Variants in SPATA16 observed in about 807,000 individuals in gnomAD.
The protein encoded by SPATA16 is spermatogenesis-associated protein 16.
SPATA16 carries 36 observed loss-of-function variants against 63.3 expected under a neutral mutation model. That is an observed-to-expected ratio of 0.57 (90% CI 0.44 to 0.75). The LOEUF is 0.75. Ranked by LOEUF, SPATA16 falls within the 30% of genes least tolerant of loss-of-function variation. SPATA16 has a pLI of 0.00. For synonymous variants in SPATA16, 203 were observed against 216.7 expected, an observed-to-expected ratio of 0.94 and a Z score of 0.56; for missense variants, 646 against 679.3, an observed-to-expected ratio of 0.95 and a Z score of 0.54.
chr3:172,979,314 G>C (rs1160187724), intron 4 of SPATA16, among the ~76,000 whole-genome samples: 2 of 152,032 alleles, frequency 1.3e-5, no homozygotes, highest in African/African-American at 4.8e-5. Flanking sequence ...ATTTCAATCT[G>C]CTATTTTCTC....
At chr3:172,958,463 C>T (rs1243849781) in intron 5 of SPATA16, among the ~76,000 whole-genome samples, 1 of 152,202 alleles carries the variant, frequency 6.6e-6, no homozygotes, top group Admixed American at 6.5e-5. Context: ...TCCAGACCAT[C>T]AAGCGCGTGG....
At chr3:173,107,090 G>T (rs908159643) in intron 2 of SPATA16, among the ~76,000 whole-genome samples, 1 of 152,014 alleles carries the variant, frequency 6.6e-6, no homozygotes, top group African/African-American at 2.4e-5. Context: ...ATTTCTAATT[G>T]TCTTACCATT....
At chr3:172,900,456 A>G (rs752978925) in intron 10 of SPATA16, among the ~76,000 whole-genome samples, 4 of 152,042 alleles carry the variant, frequency 2.6e-5, no homozygotes, top group Non-Finnish European at 5.9e-5. Flanking sequence ...TCTTTTGCCA[A>G]ATTTGGGAAG....
At position 173,015,576 on chromosome 3, in the gene SPATA16, A is replaced by G. The variant is rs554029667; in HGVS notation, c.848+3910T>C. 4.8e-4 allele frequency among the ~76,000 whole-genome samples: 73 copies of G among 152,288 alleles called. 1 individual carries two copies. Among genetic ancestry groups the G allele is most frequent in the Middle Eastern group, 6.8e-3 (2 of 294 alleles). On this transcript the variant is annotated intron_variant, in intron 4 of 10. Transcript: ENST00000351008. ...GCACAGTTCTCATATTTATCTTTCA[A>G]TCAGGGTTCTAAAAAGAATTTTATG... is the stretch of plus-strand genomic sequence containing the variant.
chr3:173,093,997 T>A (rs1205689841), intron 2 of SPATA16, among the ~76,000 whole-genome samples: 1 of 152,120 alleles, frequency 6.6e-6, no homozygotes. Flanking sequence ...CATTTTCCTC[T>A]TTCCTGTGCT....
At chr3:173,004,557 T>C (rs1269230464) in intron 4 of SPATA16, among the ~76,000 whole-genome samples, 1 of 152,140 alleles carries the variant, frequency 6.6e-6, no homozygotes, top group Admixed American at 6.5e-5. Flanking sequence ...TCCAAAAACA[T>C]AGACTTGGAA....
chr3:173,137,730 G>C (rs565710829), intron 1 of SPATA16, among the ~76,000 whole-genome samples: 18 of 151,588 alleles, frequency 1.2e-4, no homozygotes, highest in Admixed American at 2.0e-4. Context: ...CTTTAATTAA[G>C]CCTTGGCCCC....
At chr3:172,894,779 A>C (rs1731974857) in intron 10 of SPATA16, among the ~76,000 whole-genome samples, 1 of 152,194 alleles carries the variant, frequency 6.6e-6, no homozygotes, top group South Asian at 2.1e-4. Context: ...AAAGAGGCCC[A>C]AGGGAACTTG....
chr3:173,030,096 AT>A (rs1735567956), intron 3 of SPATA16, among the ~76,000 whole-genome samples: 15 of 149,022 alleles, frequency 1.0e-4, no homozygotes, highest in Non-Finnish European at 1.6e-4. Flanking sequence ...CTATCTATCT[AT>A]CTATCTACCC....
At chr3:172,960,760 C>T (rs901336101) in intron 5 of SPATA16, among the ~76,000 whole-genome samples, 2 of 152,174 alleles carry the variant, frequency 1.3e-5, no homozygotes, top group East Asian at 1.9e-4. Context: ...TCAAGAGGGC[C>T]GATTCTTCTT....
intron 10 of SPATA16, among the ~76,000 whole-genome samples, chr3:172,908,234 T>C (rs541672985): frequency 6.6e-6 from 1 of 152,336 alleles, no homozygotes; most frequent in South Asian, 2.1e-4. Flanking sequence ...TTTAGTCATA[T>C]AATAAAACTA....
intron 2 of SPATA16, among the ~76,000 whole-genome samples, chr3:173,070,070 C>A (rs1217856812): frequency 3.3e-5 from 5 of 152,000 alleles, no homozygotes; most frequent in African/African-American, 9.7e-5. Flanking sequence ...AAACTGAACA[C>A]CTTTCCTCTA....
At chr3:172,898,921 T>C (rs909426062) in intron 10 of SPATA16, among the ~76,000 whole-genome samples, 5 of 151,932 alleles carry the variant, frequency 3.3e-5, no homozygotes, top group Non-Finnish European at 5.9e-5. Flanking sequence ...TTTTTTTAGT[T>C]CAATATATTC....
chr3:172,909,409 T>C (rs1236732411), intron 10 of SPATA16, among the ~76,000 whole-genome samples: 1 of 152,188 alleles, frequency 6.6e-6, no homozygotes, highest in Non-Finnish European at 1.5e-5. Context: ...GCTTACCCTT[T>C]AAGAGGATTG....
chr3:172,943,532 G>A (rs959658356), intron 6 of SPATA16, among the ~76,000 whole-genome samples: 1 of 152,166 alleles, frequency 6.6e-6, no homozygotes, highest in Non-Finnish European at 1.5e-5. Flanking sequence ...TTGAGGTCAG[G>A]AGTTTGAGAC....
At chr3:172,896,603 A>G (rs985225029) in intron 10 of SPATA16, among the ~76,000 whole-genome samples, 14 of 152,278 alleles carry the variant, frequency 9.2e-5, no homozygotes, top group African/African-American at 3.4e-4. Context: ...CTGTGTCCTT[A>G]CCAGCATTTA....
At position 172,920,397 on chromosome 3, in the gene SPATA16, A is replaced by G. The variant is rs1334477955; in HGVS notation, c.1338+3811T>C. On this transcript the variant is annotated intron_variant, in intron 8 of 10. Transcript: ENST00000351008. ...AGGACTGCTCTGTACTTTAAAAAAG[A>G]TATGTTTGAGTAAAGAAAACTTCTT... 2.6e-5 allele frequency among the ~76,000 whole-genome samples: 4 copies of G among 152,340 alleles called. No homozygotes were observed. The East Asian group carries it at 7.7e-4, about 29-fold the overall frequency.
chr3:173,029,545 A>G (rs1735552279), intron 3 of SPATA16, among the ~76,000 whole-genome samples: 1 of 151,924 alleles, frequency 6.6e-6, no homozygotes, highest in South Asian at 2.1e-4. Context: ...TGAGAAAAAT[A>G]TGAGTTTAGA....
At chr3:172,896,016 T>C (rs1732001912) in intron 10 of SPATA16, among the ~76,000 whole-genome samples, 2 of 151,910 alleles carry the variant, frequency 1.3e-5, no homozygotes, top group African/African-American at 4.8e-5. Flanking sequence ...TGCTGATTGG[T>C]TGGATTGGAA....
Sources: allele counts gnomAD v4.1 joint callset (sites outside exome capture counted in the v4.1 genomes callset), GRCh38; gene constraint gnomAD v4.1.1; transcripts MANE v1.5; gene names NCBI Gene and HGNC (gene_info 2026-07-23, HGNC 2026-07-21).